MAP1B: variants seen among roughly 807,000 people sequenced by gnomAD.
MAP1B encodes microtubule associated protein 1B.
Under a neutral mutation model 176.1 loss-of-function variants are expected in MAP1B, and 12 were observed. That is an observed-to-expected ratio of 0.07 (90% CI 0.04 to 0.11). MAP1B has a LOEUF of 0.11. Ranked by LOEUF, MAP1B falls within the 10% of genes least tolerant of loss-of-function variation. MAP1B has a pLI of 1.00. For synonymous variants in MAP1B, 1,044 were observed against 1,135.0 expected, an observed-to-expected ratio of 0.92 and a Z score of 1.61; for missense variants, 2,523 against 2,990.5, an observed-to-expected ratio of 0.84 and a Z score of 3.65.
chr5:72,147,458 T>C (rs188052046), intron 2 of MAP1B, among the ~76,000 whole-genome samples: 2 of 151,066 alleles, frequency 1.3e-5, no homozygotes, highest in East Asian at 3.9e-4. Flanking sequence ...GAATCCTTTT[T>C]AGTGATTAAA....
intron 2 of MAP1B, among the ~76,000 whole-genome samples, chr5:72,136,949 T>C (rs1745847941): frequency 6.6e-6 from 1 of 152,208 alleles, no homozygotes; most frequent in Non-Finnish European, 1.5e-5. Context: ...TCATTTTGAG[T>C]TGCAGGGAGA....
In MAP1B at chr5:72,195,732, G is replaced by C; in HGVS notation, c.2377G>C (p.Glu793Gln). Residue 793 changes from glutamate (E) to glutamine (Q), a missense_variant, in exon 5 of 7, where the codon GAG becomes CAG. Physicochemically the swap from Glu to Gln is conservative, Grantham distance 29. Transcript: ENST00000296755. The part of the protein sequence containing the change: ...KVIKKEGKAA[E>Q]AVAAAVGTGA... Reference sequence around the variant, plus strand: ...CATTAAGAAGGAAGGCAAGGCCGCAGAGGCTGTCGCTGCAGCTGTCGGCAC... The same window carrying C: ...CATTAAGAAGGAAGGCAAGGCCGCACAGGCTGTCGCTGCAGCTGTCGGCAC... 6.2e-7 allele frequency: 1 copy of C among 1,614,264 alleles called. No individual in the cohort carries two copies. Among genetic ancestry groups the C allele is most frequent in the Non-Finnish European group, 8.5e-7 (1 of 1,180,048 alleles).
chr5:72,123,132 G>T (rs1444236166), intron 2 of MAP1B, among the ~76,000 whole-genome samples: 1 of 152,150 alleles, frequency 6.6e-6, no homozygotes, highest in East Asian at 1.9e-4. Flanking sequence ...CACTTTAAAA[G>T]TGCCAAGTAA....
At chr5:72,127,735 A>AT (rs1051823758) in intron 2 of MAP1B, among the ~76,000 whole-genome samples, 2 of 152,232 alleles carry the variant, frequency 1.3e-5, no homozygotes, top group African/African-American at 4.8e-5. Flanking sequence ...ATATCCATGG[A>AT]TAATACGTTT....
intron 5 of MAP1B, 38 bp downstream of exon 5, chr5:72,200,405 A>G: frequency 6.3e-7 from 1 of 1,590,698 alleles, no homozygotes; most frequent in Non-Finnish European, 8.5e-7. Context: ...ATATGTCACA[A>G]CCATTCTACT....
intron 2 of MAP1B, chr5:72,179,646 G>T: frequency 1.0e-6 from 1 of 985,490 alleles, no homozygotes; most frequent in Non-Finnish European, 1.2e-6. Context: ...GGGCGGCCCA[G>T]CCCCAGGTTA....
At chr5:72,165,330 G>C (rs1343928214) in intron 2 of MAP1B, among the ~76,000 whole-genome samples, 4 of 152,178 alleles carry the variant, frequency 2.6e-5, no homozygotes, top group Non-Finnish European at 5.9e-5. Context: ...CATATAGGAA[G>C]TTCCTAATAT....
chr5:72,137,694 T>C (rs937231426), intron 2 of MAP1B, among the ~76,000 whole-genome samples: 5 of 152,208 alleles, frequency 3.3e-5, no homozygotes, highest in Non-Finnish European at 7.4e-5. Flanking sequence ...ATGCCCAGAA[T>C]TGACAACAGA....
intron 2 of MAP1B, among the ~76,000 whole-genome samples, chr5:72,122,641 C>CTTT (rs35175622): frequency 0.023 from 3,254 of 138,586 alleles, 141 homozygotes; most frequent in African/African-American, 0.081. Flanking sequence ...ATTCATCTCA[C>CTTT]TTTTTTTTTT....
At chr5:72,166,162 C>G (rs1237886491) in intron 2 of MAP1B, among the ~76,000 whole-genome samples, 1 of 152,216 alleles carries the variant, frequency 6.6e-6, no homozygotes, top group African/African-American at 2.4e-5. Context: ...GGAGAAACTA[C>G]ATCATGTACA....
Position 72,186,582 on chromosome 5 carries a change from G to A in MAP1B, c.370-32G>A, listed in dbSNP as rs1746902042. On this transcript the variant is annotated intron_variant, in intron 3 of 6. Coordinates refer to ENST00000296755, the MANE Select transcript of MAP1B (RefSeq NM_005909.5). The surrounding 1 kb of genome is among the most constrained non-coding windows in gnomAD (Gnocchi z 4.3). ...AGGTGGGATGGCAGCACTGCCCATG[G>A]CTCAGGGCCTACGTTCTGTGCTTTA... 1 of 1,611,142 alleles carries A rather than the reference G, an allele frequency of 6.2e-7. No homozygotes were observed. Among genetic ancestry groups the A allele is most frequent in the Middle Eastern group, 2.0e-4 (1 of 5,022 alleles).
Position 72,183,798 on chromosome 5 carries a change from C to T in MAP1B, c.342C>T (p.Asn114=). The T allele has an allele frequency of 1.2e-6, 2 of 1,614,120 alleles. No individual in the cohort carries two copies. Among genetic ancestry groups the T allele is most frequent in the South Asian group, 1.1e-5 (1 of 91,050 alleles). ...SDVLETVVLI[N]PSDEAVSTEV... is the part of the protein sequence containing the mutation. ...TTTTAGAAACAGTGGTCCTGATCAACCCTTCTGATGAAGCAGTCAGCACCG... is the reference window on the plus strand; with the variant it reads ...TTTTAGAAACAGTGGTCCTGATCAATCCTTCTGATGAAGCAGTCAGCACCG... Residue 114 remains asparagine, a synonymous_variant, in exon 3 of 7, where the codon AAC becomes AAT. Coordinates refer to ENST00000296755, the MANE Select transcript of MAP1B (RefSeq NM_005909.5).
rs1866374 is a variant in MAP1B, at chr5:72,195,135, A to G, written c.1780A>G (p.Ile594Val). ...GGTAATGGTGAAAAAAGACAAGCCA[A>G]TAAAAACAGAGACCAAACCTTCAGT... is the stretch of plus-strand genomic sequence containing the variant. Reference protein sequence around the residue: ...EKVMVKKDKPIKTETKPSVTE... With the variant: ...EKVMVKKDKPVKTETKPSVTE... Residue 594 changes from isoleucine to valine, a missense_variant, in exon 5 of 7, where the codon ATA becomes GTA. By Grantham distance (29) the Ile-to-Val change is conservative. Coordinates refer to ENST00000296755, the MANE Select transcript of MAP1B (RefSeq NM_005909.5). 1,347,300 of 1,613,620 alleles carry G rather than the reference A, an allele frequency of 0.83. 564,879 individuals carry two copies. Among genetic ancestry groups the G allele is most frequent in the East Asian group, 0.97 (43,518 of 44,816 alleles).
At chr5:72,138,067 A>C (rs908451738) in intron 2 of MAP1B, among the ~76,000 whole-genome samples, 15 of 152,228 alleles carry the variant, frequency 9.9e-5, no homozygotes, top group African/African-American at 3.6e-4. Context: ...TACATAATTA[A>C]AAGAGATTCC....
At chr5:72,136,764 A>T (rs151176518) in intron 2 of MAP1B, among the ~76,000 whole-genome samples, 284 of 152,268 alleles carry the variant, frequency 1.9e-3, no homozygotes, top group African/African-American at 6.6e-3. Context: ...AACTATAAAC[A>T]TATACATTTT....
chr5:72,194,544 C>A lies in MAP1B; in HGVS notation c.1189C>A (p.Pro397Thr). The A allele has an allele frequency of 6.2e-7, 1 of 1,614,064 alleles. No individual in the cohort carries two copies. Among genetic ancestry groups the A allele is most frequent in the South Asian group, 1.1e-5 (1 of 91,084 alleles). ...AAACAAATTGTCCATGAAACCAGAA[C>A]CTCTGTTTAGAAGTGTAGGCAATAC... Reference protein sequence around the residue: ...YLNKLSMKPEPLFRSVGNTID... With the variant: ...YLNKLSMKPETLFRSVGNTID... Residue 397 changes from proline (P) to threonine (T), a missense_variant, in exon 5 of 7, where the codon CCT (proline) becomes ACT (threonine). This residue lies in a region of MAP1B where 1,925 missense variants were observed against 2,126.0 expected (regional missense o/e 0.91). Transcript: ENST00000296755. The surrounding 1 kb of genome is among the most constrained non-coding windows in gnomAD (Gnocchi z 7.2).
At chr5:72,112,309 G>C (rs1243184229) in intron 1 of MAP1B, among the ~76,000 whole-genome samples, 1 of 152,150 alleles carries the variant, frequency 6.6e-6, no homozygotes, top group Non-Finnish European at 1.5e-5. Flanking sequence ...TCAATCCACT[G>C]TCACCTTTAG....
intron 2 of MAP1B, among the ~76,000 whole-genome samples, chr5:72,147,117 C>T (rs561884738): frequency 3.9e-5 from 6 of 152,004 alleles, no homozygotes; most frequent in Non-Finnish European, 5.9e-5. Context: ...TACAGGCCTG[C>T]GCCACCACGA....
chr5:72,178,537 T>A (rs1023560020), intron 2 of MAP1B, among the ~76,000 whole-genome samples: 1 of 152,166 alleles, frequency 6.6e-6, no homozygotes, highest in Admixed American at 6.5e-5. Context: ...GAGGCAGAGA[T>A]GGGGACAGGA....
Sources: gnomAD v4.1 joint callset for allele counts (sites outside exome capture counted in the v4.1 genomes callset) on GRCh38, gnomAD v4.1.1 for gene constraint, gnomAD v4.1.1 regional missense constraint, Gnocchi (gnomAD v3.1) non-coding constraint, MANE v1.5 for transcripts, NCBI Gene and HGNC (gene_info 2026-07-23, HGNC 2026-07-21) for gene names.